BRAF: variants seen among roughly 807,000 people sequenced by gnomAD.
The protein encoded by BRAF is B-Raf proto-oncogene, serine/threonine kinase.
A neutral mutation model predicts 104.6 loss-of-function variants in BRAF; 16 were observed. That is an observed-to-expected ratio of 0.15 (90% CI 0.10 to 0.23). The LOEUF (loss-of-function observed/expected upper bound fraction) is 0.23, where lower values mean the gene tolerates loss of function less well. Among genes scored for constraint, BRAF ranks in the 10% least tolerant of loss-of-function variants. The pLI is 1.00. For missense variants in BRAF, 541 were observed against 937.3 expected, an observed-to-expected ratio of 0.58 and a Z score of 5.52; for synonymous variants, 310 against 341.6, an observed-to-expected ratio of 0.91 and a Z score of 1.02.
At chr7:140,737,559 A>G (rs1585946972) in intron 18 of BRAF, among the ~76,000 whole-genome samples, 1 of 152,160 alleles carries the variant, frequency 6.6e-6, no homozygotes, top group Non-Finnish European at 1.5e-5. Context: ...ATAAACATTT[A>G]CTTTTTGTTA....
In BRAF at chr7:140,813,307, C is replaced by T. The variant is rs563034020; in HGVS notation, c.505-4312G>A. On this transcript the variant is annotated intron_variant, in intron 3 of 19. Transcript: ENST00000644969. ...ACATATGAAAACATGTTCAGTCTCA[C>T]TCAGAGGAAAGCAAACCCAAACTAG... Among the ~76,000 whole-genome samples, 15 of 152,152 alleles carry T rather than the reference C, an allele frequency of 9.9e-5. No homozygotes were observed. The South Asian group carries it at 2.9e-3, about 29-fold the overall frequency.
intron 2 of BRAF, among the ~76,000 whole-genome samples, chr7:140,836,478 G>A (rs575110244): frequency 3.0e-4 from 46 of 151,668 alleles, no homozygotes; most frequent in Non-Finnish European, 5.4e-4. Flanking sequence ...ACATACTTTC[G>A]AACAAATAAG....
intron 1 of BRAF, among the ~76,000 whole-genome samples, chr7:140,876,558 A>G (rs1052940212): frequency 1.3e-5 from 2 of 152,230 alleles, no homozygotes; most frequent in South Asian, 2.1e-4. Flanking sequence ...ACCCAACTAT[A>G]TGTAGTCTAC....
Position 140,724,571 on chromosome 7 carries a change from G to C in BRAF, c.*1923C>G, listed in dbSNP as rs920007572. The C allele has an allele frequency of 5.8e-6, 6 of 1,040,980 alleles. No individual in the cohort carries two copies. The highest frequency in any genetic ancestry group is 3.4e-5 in the African/African-American group (2 of 59,650). 64.5% of individuals were successfully genotyped at this position (1,040,980 alleles called of 1,614,324 possible). On this transcript the variant is annotated 3_prime_UTR_variant, in exon 20 of 20. Transcript: ENST00000644969. ...CTTAAGGATCTTTTCCATTTTACTA[G>C]GACAACCTTTTACAAGACAATGAAA...
At chr7:140,923,324 C>T (rs190898042) in intron 1 of BRAF, among the ~76,000 whole-genome samples, 30 of 152,142 alleles carry the variant, frequency 2.0e-4, no homozygotes, top group Admixed American at 1.0e-3. Flanking sequence ...AACTGTAAAC[C>T]ACAATTATTA....
intron 8 of BRAF, among the ~76,000 whole-genome samples, chr7:140,793,631 ATTCTT>A (rs1237159024): frequency 1.3e-5 from 2 of 152,116 alleles, no homozygotes; most frequent in Non-Finnish European, 2.9e-5. Context: ...ACAAATTGAA[ATTCTT>A]TTCTTTTGAG....
chr7:140,913,108 C>T (rs573938058), intron 1 of BRAF, among the ~76,000 whole-genome samples: 1 of 152,098 alleles, frequency 6.6e-6, no homozygotes, highest in African/African-American at 2.4e-5. Flanking sequence ...TGAGGCCTAC[C>T]CTGACCTCCC....
chr7:140,812,324 T>C (rs1413360414), intron 3 of BRAF, among the ~76,000 whole-genome samples: 1 of 152,106 alleles, frequency 6.6e-6, no homozygotes, highest in Non-Finnish European at 1.5e-5. Flanking sequence ...ACTCAGCATT[T>C]AACCCATTCT....
intron 14 of BRAF, among the ~76,000 whole-genome samples, chr7:140,756,061 T>G (rs780993501): frequency 6.6e-6 from 1 of 152,038 alleles, no homozygotes; most frequent in Non-Finnish European, 1.5e-5. Context: ...ATAGCAAGAA[T>G]AGAGTAGACA....
Position 140,723,085 on chromosome 7 carries a change from T to TA in BRAF, c.*3408_*3409insT. 9.5e-7 allele frequency: 1 copy of TA among 1,051,292 alleles called. No homozygotes were observed. 65.1% of individuals were successfully genotyped at this position (1,051,292 alleles called of 1,614,324 possible). On this transcript the variant is annotated 3_prime_UTR_variant, in exon 20 of 20. Coordinates refer to ENST00000644969, the MANE Select transcript of BRAF (RefSeq NM_001374258.1). ...ATTACCTCATTCTGAAGAGGTAGTT[T>TA]TTTGTAGAGGTCACCTGAACCCTGC...
At chr7:140,715,761 T>C (rs1267674), downstream of BRAF, among the ~76,000 whole-genome samples, 3,802 of 152,334 alleles carry the variant, frequency 0.025, 149 homozygotes, top group African/African-American at 0.081. Context: ...CAACATTTGA[T>C]TGATGATGGC....
chr7:140,817,781 A>C (rs1354349640), intron 3 of BRAF, among the ~76,000 whole-genome samples: 1 of 152,216 alleles, frequency 6.6e-6, no homozygotes, highest in Non-Finnish European at 1.5e-5. Flanking sequence ...CAAGGAGACA[A>C]GCACAAGAAT....
intron 2 of BRAF, among the ~76,000 whole-genome samples, chr7:140,846,206 T>C (rs1014518073): frequency 6.6e-6 from 1 of 152,184 alleles, no homozygotes; most frequent in Non-Finnish European, 1.5e-5. Flanking sequence ...TACACCCATG[T>C]TCACAGCATT....
chr7:140,767,855 AG>A (rs1230566646), intron 14 of BRAF, among the ~76,000 whole-genome samples: 2 of 152,220 alleles, frequency 1.3e-5, no homozygotes, highest in African/African-American at 4.8e-5. Flanking sequence ...GTTGTTGAGG[AG>A]TAAATGAGGT....
chr7:140,774,119 G>GA (rs1406075602), intron 14 of BRAF, among the ~76,000 whole-genome samples: 1 of 152,144 alleles, frequency 6.6e-6, no homozygotes, highest in East Asian at 1.9e-4. Context: ...AAAGAGAAAA[G>GA]AAACTATATC....
At chr7:140,730,513 C>A (rs1301140830) in intron 19 of BRAF, among the ~76,000 whole-genome samples, 152 bp downstream of exon 18, 1 of 151,848 alleles carries the variant, frequency 6.6e-6, no homozygotes, top group Non-Finnish European at 1.5e-5. Flanking sequence ...ACTACAGGTG[C>A]ACACCACCAT....
intron 17 of BRAF, among the ~76,000 whole-genome samples, chr7:140,742,560 C>G (rs1008766836): frequency 1.3e-5 from 2 of 152,162 alleles, no homozygotes; most frequent in African/African-American, 4.8e-5. Flanking sequence ...TTTGAAAAAA[C>G]TGATTTGCCA....
chr7:140,852,387 T>C, intron 1 of BRAF, among the ~76,000 whole-genome samples: 1 of 125,868 alleles, frequency 7.9e-6, no homozygotes, highest in African/African-American at 3.1e-5. Context: ...CCCCACAACC[T>C]GCCAAAAAAA....
intron 7 of BRAF, chr7:140,799,533 A>G: frequency 4.3e-6 from 1 of 232,398 alleles, no homozygotes; most frequent in Non-Finnish European, 8.5e-6. Flanking sequence ...TCTAAACCTA[A>G]CATCTTCATT....
Sources: allele counts gnomAD v4.1 joint callset (sites outside exome capture counted in the v4.1 genomes callset), GRCh38; gene constraint gnomAD v4.1.1; transcripts MANE v1.5; gene names NCBI Gene and HGNC (gene_info 2026-07-23, HGNC 2026-07-21).